Variants in NEK5 observed in about 807,000 individuals in gnomAD.
The protein encoded by NEK5 is serine/threonine-protein kinase Nek5.
In NEK5, 88 loss-of-function variants were observed where a neutral mutation model predicts 109.2. The observed-to-expected ratio is 0.81, with a 90% CI of 0.68 to 0.96. NEK5 has a LOEUF of 0.96. NEK5 is among the 40% of genes least tolerant of loss of function. NEK5 has a pLI of 0.00. For synonymous variants in NEK5, 283 were observed against 299.9 expected, an observed-to-expected ratio of 0.94 and a Z score of 0.58; for missense variants, 834 against 920.7, an observed-to-expected ratio of 0.91 and a Z score of 1.22.
chr13:52,096,144 T>G (rs993724434), intron 12 of NEK5, among the ~76,000 whole-genome samples: 1 of 152,204 alleles, frequency 6.6e-6, no homozygotes, highest in Non-Finnish European at 1.5e-5. Context: ...TGCAGAACTG[T>G]GAGCCAATTA....
In NEK5 at chr13:52,119,337, A is replaced by C; in HGVS notation, c.196T>G (p.Phe66Val). The C allele has an allele frequency of 6.3e-7, 1 of 1,589,026 alleles. No individual in the cohort carries two copies. The change falls in exon 4 of 24, where the codon TTC becomes GTC. Residue 66 changes from phenylalanine (F) to valine (V), a missense_variant. Around this residue, in one of 2 missense-constraint regions of NEK5, gnomAD observed 777 missense variants for 824.7 expected, o/e 0.94. Coordinates refer to ENST00000684899, the MANE Select transcript of NEK5 (RefSeq NM_001365552.1). Reference protein sequence around the residue: ...EKMKHPNIVAFFNSFQENGRL... With the variant: ...EKMKHPNIVAVFNSFQENGRL... ...ATCAAACCTTGAAATGAATTGAAGA[A>C]GGCTACAATGTTGGGATGTTTCATC...
Position 52,093,162 on chromosome 13 carries a change from A to G in NEK5, c.1100T>C (p.Met367Thr). Residue 367 changes from methionine to threonine, a missense_variant, in exon 13 of 24, where the codon ATG (methionine) becomes ACG (threonine). Transcript: ENST00000684899. ...TGGTTTGTGGGCTCTCCTCCTCAGCATATCAAGTTGAGCATAATAATAATC... is the reference window on the plus strand; with the variant it reads ...TGGTTTGTGGGCTCTCCTCCTCAGCGTATCAAGTTGAGCATAATAATAATC... ...HYDYYYAQLD[M>T]LRRRAHKPSY... 2 of 1,613,262 alleles carry G rather than the reference A, an allele frequency of 1.2e-6. No homozygotes were observed. The highest frequency in any genetic ancestry group is 1.7e-6 in the Non-Finnish European group (2 of 1,179,202).
At chr13:52,062,924 A>G (rs1954625378) in intron 21 of NEK5, among the ~76,000 whole-genome samples, 1 of 151,604 alleles carries the variant, frequency 6.6e-6, no homozygotes, top group South Asian at 2.1e-4. Context: ...TTACTGGTGG[A>G]AAAAAAAATG....
In NEK5 at chr13:52,050,184, T is replaced by G. The variant is rs182078618; in HGVS notation, c.2148A>C (p.Glu716Asp). ...AGACCATTTCTACCTTCCCTTCATC[T>G]TCTTCTTTGGGTAGCCATTGTTTTA... ...GTLKQWLPKE[E>D]DEGKVEMVSG... The change falls in exon 23 of 24, where the codon GAA (glutamate) becomes GAC (aspartate). Residue 716 changes from glutamate (E) to aspartate (D), a missense_variant. By Grantham distance (45) the Glu-to-Asp change is conservative (BLOSUM62 2). Around this residue, in one of 2 missense-constraint regions of NEK5, gnomAD observed 57 missense variants for 96.0 expected, o/e 0.59. Coordinates refer to ENST00000684899, the MANE Select transcript of NEK5 (RefSeq NM_001365552.1). 1.0e-6 allele frequency: 1 copy of G among 985,432 alleles called. No homozygotes were observed. The highest frequency in any genetic ancestry group is 1.2e-6 in the Non-Finnish European group (1 of 829,610). The allele number at this position is 985,432 out of a possible 1,614,324, so 61.0% of individuals were successfully genotyped here. A position where few individuals can be genotyped will look rare whatever the true frequency, so the allele number is the denominator to read the frequency against.
At chr13:52,068,264 C>A (rs188597283) in intron 20 of NEK5, among the ~76,000 whole-genome samples, 1 of 152,046 alleles carries the variant, frequency 6.6e-6, no homozygotes, top group East Asian at 1.9e-4. Context: ...TTCTTTTGGT[C>A]GTGAGACAAA....
chr13:52,125,158 G>A (rs1287214379), intron 3 of NEK5, among the ~76,000 whole-genome samples: 1 of 152,158 alleles, frequency 6.6e-6, no homozygotes, highest in Non-Finnish European at 1.5e-5. Flanking sequence ...CTCCAAGGTG[G>A]TCTCAATGAT....
chr13:52,090,572 T>C (rs575663680), intron 13 of NEK5, among the ~76,000 whole-genome samples: 4 of 152,274 alleles, frequency 2.6e-5, no homozygotes, highest in Non-Finnish European at 4.4e-5. Flanking sequence ...TTGAATCAAA[T>C]GAGGGTAAAT....
chr13:52,086,047 T>C (rs977738208), intron 16 of NEK5, among the ~76,000 whole-genome samples: 17 of 152,188 alleles, frequency 1.1e-4, no homozygotes, highest in African/African-American at 4.1e-4. Flanking sequence ...ATAATAGCCA[T>C]TCCTGAGAAT....
At chr13:52,077,790 G>C (rs984146751) in intron 17 of NEK5, among the ~76,000 whole-genome samples, 1 of 152,114 alleles carries the variant, frequency 6.6e-6, no homozygotes, top group African/African-American at 2.4e-5. Flanking sequence ...ATTTGTACAT[G>C]ATAGCCAGGC....
At chr13:52,071,779 C>G (rs1954788152) in intron 20 of NEK5, among the ~76,000 whole-genome samples, 165 bp downstream of exon 20, 2 of 152,158 alleles carry the variant, frequency 1.3e-5, no homozygotes, top group South Asian at 4.1e-4. Flanking sequence ...AGTGTGGCCA[C>G]TGCATGGGTG....
chr13:52,047,188 T>C (rs1460513383), intron 23 of NEK5, among the ~76,000 whole-genome samples: 3 of 151,834 alleles, frequency 2.0e-5, no homozygotes, highest in Non-Finnish European at 4.4e-5. Flanking sequence ...ATATCCAATT[T>C]ACAAGTGTAC....
In NEK5 at chr13:52,067,845, C is replaced by G. The variant is rs570802617; in HGVS notation, c.1850-2236G>C. ...TAGCTGAGATTACAGGTGTGCACCA[C>G]CACACCTGGCTAATTTTTGTATTTT... On this transcript the variant is annotated intron_variant, in intron 20 of 23. Coordinates refer to ENST00000684899, the MANE Select transcript of NEK5 (RefSeq NM_001365552.1). 2.1e-3 allele frequency among the ~76,000 whole-genome samples: 325 copies of G among 152,138 alleles called. 2 individuals are homozygous for G. The highest frequency in any genetic ancestry group is 4.2e-3 in the Non-Finnish European group (287 of 68,010).
intron 19 of NEK5, among the ~76,000 whole-genome samples, chr13:52,073,482 A>G (rs968407158): frequency 1.3e-5 from 2 of 151,812 alleles, no homozygotes; most frequent in African/African-American, 4.8e-5. Flanking sequence ...CACCCAGCTA[A>G]TTTTTTGTAT....
At chr13:52,075,988 C>A in intron 18 of NEK5, 75 bp downstream of exon 18, 1 of 999,366 alleles carries the variant, frequency 1.0e-6, no homozygotes, top group Non-Finnish European at 1.5e-6. Flanking sequence ...GAAAATCATG[C>A]AGGCAACCGA....
rs201936520 is a variant in NEK5, at chr13:52,083,237, C to T, written c.1572+23G>A. The T allele has an allele frequency of 1.6e-3, 2,430 of 1,506,224 alleles. 8 individuals are homozygous for T. Among genetic ancestry groups the T allele is most frequent in the Non-Finnish European group, 1.9e-3 (2,065 of 1,081,792 alleles). The allele number at this position is 1,506,224 out of a possible 1,614,324, so 93.3% of individuals were successfully genotyped here. On this transcript the variant is annotated intron_variant, in intron 17 of 23. Transcript: ENST00000684899. ...AGAGCACACACACTGCAAGCACACA[C>T]ATCTGATCATAGCCATCATTACCTG...
chr13:52,110,160 C>T (rs1411378308), intron 7 of NEK5, among the ~76,000 whole-genome samples, 180 bp downstream of exon 7: 2 of 152,168 alleles, frequency 1.3e-5, no homozygotes, highest in Admixed American at 6.5e-5. Flanking sequence ...CATTCTATTA[C>T]ACCACAATTT....
intron 23 of NEK5, among the ~76,000 whole-genome samples, chr13:52,040,269 G>T (rs1417698617): frequency 6.6e-6 from 1 of 151,950 alleles, no homozygotes; most frequent in Admixed American, 6.6e-5. Context: ...TTTTTTAGTA[G>T]AGACGGGGTT....
intron 3 of NEK5, among the ~76,000 whole-genome samples, chr13:52,126,800 C>CA (rs1001970012): frequency 1.1e-4 from 17 of 151,660 alleles, no homozygotes; most frequent in Admixed American, 6.6e-5. Context: ...GAAAAGAAAA[C>CA]AAAAAAGAAA....
intron 17 of NEK5, among the ~76,000 whole-genome samples, chr13:52,076,998 G>A (rs1954881497): frequency 6.6e-6 from 1 of 152,208 alleles, no homozygotes; most frequent in South Asian, 2.1e-4. Context: ...GAACAAAATA[G>A]GATAACAGGA....
Sources: gnomAD v4.1 joint callset for allele counts (sites outside exome capture counted in the v4.1 genomes callset) on GRCh38, gnomAD v4.1.1 for gene constraint, gnomAD v4.1.1 regional missense constraint, MANE v1.5 for transcripts, NCBI Gene and HGNC (gene_info 2026-07-23, HGNC 2026-07-21) for gene names.